The following DECR1 variants were observed in gnomAD, a reference collection of about 807,000 sequenced individuals.
DECR1 encodes the protein 2,4-dienoyl-CoA reductase [(3E)-enoyl-CoA-producing], mitochondrial.
In DECR1, 44 loss-of-function variants were observed where a neutral mutation model predicts 38.8. The observed-to-expected ratio is 1.13, with a 90% CI of 0.89 to 1.46. The LOEUF (loss-of-function observed/expected upper bound fraction) is 1.46. DECR1 is among the 40% of genes most tolerant of loss of function. DECR1 has a pLI of 0.00. For missense variants in DECR1, 428 were observed against 405.5 expected (o/e 1.06, Z -0.48); for synonymous variants, 148 against 135.2 (o/e 1.09, Z -0.66).
At chr8:90,042,354 A>G (rs2046883754) in intron 6 of DECR1, 1 of 175,720 alleles carries the variant, frequency 5.7e-6, no homozygotes, top group African/African-American at 2.4e-5. Context: ...TTATGTGAAT[A>G]ATGAATACCT....
At chr8:90,051,175 A>T (rs79082028) in intron 8 of DECR1, among the ~76,000 whole-genome samples, 1 of 114,524 alleles carries the variant, frequency 8.7e-6, no homozygotes, top group Non-Finnish European at 1.8e-5. Flanking sequence ...AAGTATAATT[A>T]AAAAAAAAAA....
At chr8:90,041,365 G>C (rs577328119) in intron 6 of DECR1, among the ~76,000 whole-genome samples, 1 of 152,172 alleles carries the variant, frequency 6.6e-6, no homozygotes, top group African/African-American at 2.4e-5. Flanking sequence ...GTTCTTTGTA[G>C]ATTCTGGATA....
chr8:90,022,293 G>C (rs1813183305), intron 5 of DECR1, among the ~76,000 whole-genome samples: 1 of 152,124 alleles, frequency 6.6e-6, no homozygotes, highest in Non-Finnish European at 1.5e-5. Flanking sequence ...GGTGATCCTA[G>C]AACCAGCTTG....
chr8:90,049,475 G>A (rs1186884673), intron 8 of DECR1, among the ~76,000 whole-genome samples: 2 of 152,156 alleles, frequency 1.3e-5, no homozygotes, highest in Non-Finnish European at 2.9e-5. Flanking sequence ...TACAAGGGAT[G>A]TGAAGTACCT....
At chr8:90,032,991 A>G (rs1473627160) in intron 5 of DECR1, among the ~76,000 whole-genome samples, 1 of 152,150 alleles carries the variant, frequency 6.6e-6, no homozygotes, top group African/African-American at 2.4e-5. Flanking sequence ...GATACGCCCT[A>G]TGTTCCTGTT....
At chr8:90,046,154 C>T (rs973121431) in intron 8 of DECR1, among the ~76,000 whole-genome samples, 1 of 152,196 alleles carries the variant, frequency 6.6e-6, no homozygotes, top group Non-Finnish European at 1.5e-5. Context: ...TGCAGCTCCT[C>T]GCCAGCAACG....
chr8:90,012,034 T>G (rs769029461), intron 1 of DECR1, among the ~76,000 whole-genome samples: 3 of 152,214 alleles, frequency 2.0e-5, no homozygotes, highest in African/African-American at 7.2e-5. Flanking sequence ...TATTTAGTTA[T>G]AAATATGGTC....
At chr8:90,036,333 G>A (rs542965084) in intron 5 of DECR1, among the ~76,000 whole-genome samples, 2 of 152,160 alleles carry the variant, frequency 1.3e-5, no homozygotes, top group South Asian at 4.2e-4. Flanking sequence ...TCAGGGCTTA[G>A]TCATTTTCCT....
intron 5 of DECR1, among the ~76,000 whole-genome samples, chr8:90,028,760 T>C (rs1414707358): frequency 6.6e-6 from 1 of 152,014 alleles, no homozygotes; most frequent in East Asian, 1.9e-4. Flanking sequence ...CCTTCCTTCT[T>C]TTTTTCTTTC....
At chr8:90,050,825 C>T (rs186239328) in intron 8 of DECR1, among the ~76,000 whole-genome samples, 1 of 152,132 alleles carries the variant, frequency 6.6e-6, no homozygotes, top group East Asian at 1.9e-4. Context: ...ACATATACAT[C>T]ATGGAATACT....
chr8:90,014,827 G>A (rs1483793919), intron 1 of DECR1, among the ~76,000 whole-genome samples: 1 of 152,016 alleles, frequency 6.6e-6, no homozygotes, highest in Admixed American at 6.5e-5. Flanking sequence ...CATTCTACTT[G>A]AGTGAACTTC....
intron 1 of DECR1, chr8:90,003,025 T>G (rs1448621917): frequency 2.0e-5 from 3 of 152,216 alleles, no homozygotes; most frequent in Non-Finnish European, 4.4e-5. Flanking sequence ...ATTTAAAAAT[T>G]AATTGTAATC....
At position 90,041,928 on chromosome 8, in the gene DECR1, C is replaced by T. The variant is rs946411316; in HGVS notation, c.666-800C>T. Among the ~76,000 whole-genome samples the T allele has an allele frequency of 1.6e-4, 25 of 151,988 alleles. 1 individual carries two copies. The highest frequency in any genetic ancestry group is 8.5e-4 in the Admixed American group (13 of 15,252). ...TTATATGAATTCTTTTAAGCTACCTCGTCATTATTTGAAATTACATTAAGT... is the reference window on the plus strand; with the variant it reads ...TTATATGAATTCTTTTAAGCTACCTTGTCATTATTTGAAATTACATTAAGT... On this transcript the variant is annotated intron_variant, in intron 6 of 9. Coordinates refer to ENST00000220764, the MANE Select transcript of DECR1 (RefSeq NM_001359.2).
chr8:90,026,879 A>T (rs1289599353), intron 5 of DECR1, among the ~76,000 whole-genome samples: 4 of 152,162 alleles, frequency 2.6e-5, no homozygotes, highest in African/African-American at 9.7e-5. Flanking sequence ...ATTTCCCTCT[A>T]CACACTGCTT....
intron 5 of DECR1, among the ~76,000 whole-genome samples, chr8:90,034,107 G>T (rs2130117538): frequency 6.6e-6 from 1 of 152,184 alleles, no homozygotes; most frequent in Middle Eastern, 3.4e-3. Flanking sequence ...CCTCAAAATG[G>T]TACTCCTGCC....
chr8:90,017,183 C>A lies in DECR1; in HGVS notation c.129C>A (p.Phe43Leu). The change falls in exon 2 of 10, where the codon TTC (phenylalanine) becomes TTA (leucine). Residue 43 changes from phenylalanine to leucine, a missense_variant. Coordinates refer to ENST00000220764, the MANE Select transcript of DECR1 (RefSeq NM_001359.2). ...ACACTGAAGCTTTGCAATCTAAATTCTTTTCACCTCTTCAAAAAGCGATGC... is the reference window on the plus strand; with the variant it reads ...ACACTGAAGCTTTGCAATCTAAATTATTTTCACCTCTTCAAAAAGCGATGC... ...YQNTEALQSKFFSPLQKAMLP... is the reference protein window; with the variant it reads ...YQNTEALQSKLFSPLQKAMLP... The A allele has an allele frequency of 6.2e-7, 1 of 1,614,104 alleles. No individual in the cohort carries two copies. The highest frequency in any genetic ancestry group is 8.5e-7 in the Non-Finnish European group (1 of 1,179,988).
chr8:90,040,393 T>C (rs946309729), intron 6 of DECR1, among the ~76,000 whole-genome samples: 1 of 152,202 alleles, frequency 6.6e-6, no homozygotes, highest in Non-Finnish European at 1.5e-5. Context: ...TACCCTATTC[T>C]GTAGAACTGG....
chr8:90,027,124 G>A (rs560726278), intron 5 of DECR1, among the ~76,000 whole-genome samples: 118 of 152,310 alleles, frequency 7.7e-4, no homozygotes, highest in African/African-American at 2.8e-3. Context: ...CATTTGCTGA[G>A]GAGTGCTTTA....
intron 8 of DECR1, among the ~76,000 whole-genome samples, chr8:90,048,314 G>A (rs1798296913): frequency 1.3e-5 from 2 of 151,910 alleles, no homozygotes; most frequent in Non-Finnish European, 2.9e-5. Flanking sequence ...AGAAAAGAGT[G>A]AAGAATCAAA....
Sources: gnomAD v4.1 joint callset for allele counts (sites outside exome capture counted in the v4.1 genomes callset) on GRCh38, gnomAD v4.1.1 for gene constraint, MANE v1.5 for transcripts, NCBI Gene and HGNC (gene_info 2026-07-23, HGNC 2026-07-21) for gene names.